Variants in MCC observed in about 807,000 individuals in gnomAD.
The protein encoded by MCC is MCC regulator of Wnt signaling pathway.
MCC carries 90 observed loss-of-function variants against 116.2 expected under a neutral mutation model. The ratio of observed to expected loss-of-function variants is 0.77; its 90% CI spans 0.65 to 0.92. MCC has a LOEUF of 0.92. MCC is among the 40% of genes least tolerant of loss of function. The pLI, the probability that MCC is intolerant of heterozygous loss-of-function variation, is 0.00. For missense variants in MCC, 1,516 were observed against 1,312.2 expected (o/e 1.16, Z -2.40); for synonymous variants, 578 against 510.5 (o/e 1.13, Z -1.78).
intron 8 of MCC, among the ~76,000 whole-genome samples, chr5:113,096,628 C>T (rs917325008): frequency 6.6e-5 from 10 of 152,180 alleles, no homozygotes; most frequent in Non-Finnish European, 1.3e-4. Flanking sequence ...GGTCAACAGG[C>T]AGGGCGCAGA....
chr5:113,363,709 T>A (rs1213278771), intron 2 of MCC, among the ~76,000 whole-genome samples: 1 of 152,166 alleles, frequency 6.6e-6, no homozygotes, highest in Non-Finnish European at 1.5e-5. Context: ...ACCCTCCAAA[T>A]CTCATGTCCT....
At chr5:113,251,853 A>T (rs1309189232) in intron 3 of MCC, among the ~76,000 whole-genome samples, 1 of 152,168 alleles carries the variant, frequency 6.6e-6, no homozygotes, top group African/African-American at 2.4e-5. Flanking sequence ...GCCTACAAAA[A>T]TTACTTCAGA....
chr5:113,313,772 C>G (rs1767197213), intron 3 of MCC, among the ~76,000 whole-genome samples: 2 of 151,268 alleles, frequency 1.3e-5, no homozygotes, highest in South Asian at 4.2e-4. Flanking sequence ...GTATAATAAT[C>G]TGCCATTTTC....
In MCC at chr5:113,444,031, G is replaced by A. The variant is rs191814037; in HGVS notation, c.170+44214C>T. Among the ~76,000 whole-genome samples the A allele has an allele frequency of 6.7e-4, 100 of 149,098 alleles. 1 individual carries two copies. In the South Asian group the frequency reaches 8.3e-3, roughly 12 times the overall value. ...TGTGTGTGTGTGTGTGTTTAGTAGA[G>A]ATGGGGTTTCGCCAAGTTGGCCAGG... On this transcript the variant is annotated intron_variant, in intron 1 of 18. Coordinates refer to ENST00000408903, the MANE Select transcript of MCC (RefSeq NM_001085377.2).
intron 17 of MCC, among the ~76,000 whole-genome samples, chr5:113,034,206 T>C (rs1474993986): frequency 1.3e-5 from 2 of 152,080 alleles, no homozygotes; most frequent in South Asian, 2.1e-4. Flanking sequence ...GGTGGATTCT[T>C]TTTAATTGAA....
At chr5:113,239,939 G>A (rs1214139024) in intron 3 of MCC, among the ~76,000 whole-genome samples, 3 of 152,094 alleles carry the variant, frequency 2.0e-5, no homozygotes, top group African/African-American at 7.2e-5. Flanking sequence ...ACAGAGCTCA[G>A]GTTGAGCTTT....
chr5:113,327,962 G>A (rs1446523979), intron 3 of MCC, among the ~76,000 whole-genome samples: 1 of 151,978 alleles, frequency 6.6e-6, no homozygotes, highest in Non-Finnish European at 1.5e-5. Flanking sequence ...ATATAAACAT[G>A]AAATAAGATG....
At chr5:113,176,951 C>T (rs989878601) in intron 3 of MCC, among the ~76,000 whole-genome samples, 11 of 152,162 alleles carry the variant, frequency 7.2e-5, no homozygotes, top group Non-Finnish European at 1.3e-4. Flanking sequence ...AAACTGTTCT[C>T]CAAAGGAAGC....
Position 113,027,169 on chromosome 5 carries a change from C to T in MCC, c.*133G>A. 1.1e-6 allele frequency: 1 copy of T among 871,562 alleles called. No homozygotes were observed. Among genetic ancestry groups the T allele is most frequent in the Non-Finnish European group, 1.7e-6 (1 of 575,926 alleles). The allele number at this position is 871,562 out of a possible 1,614,324, so 54.0% of individuals were successfully genotyped here. A position where few individuals can be genotyped will look rare whatever the true frequency, so the allele number is the denominator to read the frequency against. ...CCCCAAGGGTTGAGTTGGGGCACTC[C>T]ATTGTCCAAGTGCCGACCTACCTGC... On this transcript the variant is annotated 3_prime_UTR_variant, in exon 19 of 19. Transcript: ENST00000408903.
At chr5:113,122,052 G>C (rs949926750) in intron 6 of MCC, among the ~76,000 whole-genome samples, 1 of 152,206 alleles carries the variant, frequency 6.6e-6, no homozygotes, top group Non-Finnish European at 1.5e-5. Flanking sequence ...ACTGTCACTT[G>C]CTTTCCTATT....
At chr5:113,276,360 A>G (rs1201505336) in intron 3 of MCC, among the ~76,000 whole-genome samples, 1 of 152,110 alleles carries the variant, frequency 6.6e-6, no homozygotes, top group East Asian at 1.9e-4. Context: ...TTTTACAAAG[A>G]CCACCCTGGG....
intron 3 of MCC, among the ~76,000 whole-genome samples, chr5:113,205,370 C>A (rs1762872834): frequency 6.6e-6 from 1 of 152,198 alleles, no homozygotes; most frequent in Non-Finnish European, 1.5e-5. Flanking sequence ...CTAAACAGGA[C>A]TGACCTGGTG....
chr5:113,076,497 G>C (rs951047369), intron 11 of MCC, among the ~76,000 whole-genome samples: 1 of 152,174 alleles, frequency 6.6e-6, no homozygotes, highest in African/African-American at 2.4e-5. Flanking sequence ...GAGAGTGGGG[G>C]CCAATATTAA....
At chr5:113,047,327 G>A (rs371138381) in intron 16 of MCC, among the ~76,000 whole-genome samples, 1 of 152,200 alleles carries the variant, frequency 6.6e-6, no homozygotes, top group Non-Finnish European at 1.5e-5. Context: ...GTTCTGGCAC[G>A]CTGTGAGTGC....
rs146383553 is a variant in MCC, at chr5:113,220,417, T to C, written c.628-68995A>G. ...ATTTTAATTGAGATCTATAGATCAA[T>C]TGAGAGAATTTATATCATAGCAACA... On this transcript the variant is annotated intron_variant, in intron 3 of 18. Coordinates refer to ENST00000408903, the MANE Select transcript of MCC (RefSeq NM_001085377.2). 4.6e-3 allele frequency among the ~76,000 whole-genome samples: 696 copies of C among 152,186 alleles called. 4 individuals are homozygous for C. The highest frequency in any genetic ancestry group is 0.014 in the Middle Eastern group (4 of 294).
At chr5:113,230,586 C>T (rs889903015) in intron 3 of MCC, among the ~76,000 whole-genome samples, 1 of 152,132 alleles carries the variant, frequency 6.6e-6, no homozygotes, top group African/African-American at 2.4e-5. Context: ...CTATACTGAT[C>T]CAACAAGAAT....
At position 113,383,903 on chromosome 5, in the gene MCC, G is replaced by C. The variant is rs574746020; in HGVS notation, c.415+1065C>G. 1.3e-4 allele frequency among the ~76,000 whole-genome samples: 20 copies of C among 152,114 alleles called. No homozygotes were observed. The South Asian group carries it at 3.1e-3, about 24-fold the overall frequency. On this transcript the variant is annotated intron_variant, in intron 2 of 18. Transcript: ENST00000408903. ...CTACACAATTATCTATGCTCATTTG[G>C]ACAGGGACAACCAACATGACCCTTT...
chr5:113,375,040 T>C (rs1768948633), intron 2 of MCC, among the ~76,000 whole-genome samples: 1 of 151,854 alleles, frequency 6.6e-6, no homozygotes, highest in African/African-American at 2.4e-5. Flanking sequence ...TTGGAGCTTT[T>C]AGTACTTCCC....
intron 5 of MCC, among the ~76,000 whole-genome samples, chr5:113,135,034 C>T (rs543486972): frequency 2.6e-5 from 4 of 151,194 alleles, no homozygotes; most frequent in African/African-American, 4.8e-5. Flanking sequence ...CTCCGCCTCC[C>T]GGGTTCAAGC....
Sources: allele counts gnomAD v4.1 joint callset (sites outside exome capture counted in the v4.1 genomes callset), GRCh38; gene constraint gnomAD v4.1.1; transcripts MANE v1.5; gene names NCBI Gene and HGNC (gene_info 2026-07-23, HGNC 2026-07-21).